The following RCOR1 variants were observed in gnomAD, a reference collection of about 807,000 sequenced individuals.
RCOR1 encodes REST corepressor 1.
RCOR1 carries 12 observed loss-of-function variants against 64.0 expected under a neutral mutation model. The observed-to-expected ratio is 0.19, with a 90% CI of 0.12 to 0.30. The LOEUF (loss-of-function observed/expected upper bound fraction) is 0.30. RCOR1 is among the 10% of genes least tolerant of loss of function. The pLI is 1.00. For missense variants in RCOR1, 502 were observed against 621.2 expected, an observed-to-expected ratio of 0.81 and a Z score of 2.04; for synonymous variants, 279 against 227.2, an observed-to-expected ratio of 1.23 and a Z score of -2.05.
At position 102,690,767 on chromosome 14, in the gene RCOR1, G is replaced by A. The variant is rs571660695; in HGVS notation, c.445+8789G>A. Reference sequence around the variant, plus strand: ...TCTTTCATTCTGCTTATCATCACCGGACATCGTATTATCTACTTTATGTCT... The same window carrying A: ...TCTTTCATTCTGCTTATCATCACCGAACATCGTATTATCTACTTTATGTCT... On this transcript the variant is annotated intron_variant, in intron 3 of 11. Coordinates refer to ENST00000262241, the MANE Select transcript of RCOR1 (RefSeq NM_015156.4). Among the ~76,000 whole-genome samples the A allele has an allele frequency of 2.6e-5, 4 of 152,174 alleles. No individual in the cohort carries two copies. In the East Asian group the frequency reaches 7.7e-4, roughly 29 times the overall value.
intron 2 of RCOR1, among the ~76,000 whole-genome samples, chr14:102,619,047 G>A (rs1203942396): frequency 6.6e-6 from 1 of 152,150 alleles, no homozygotes; most frequent in East Asian, 1.9e-4. Context: ...TGAGATTGTG[G>A]AACAGGTAGG....
At chr14:102,662,509 C>T (rs1432319743) in intron 2 of RCOR1, 2 of 518,272 alleles carry the variant, frequency 3.9e-6, no homozygotes, top group African/African-American at 1.9e-5. Context: ...GCTTGTTTCT[C>T]CTGGGGGCGC....
At chr14:102,608,905 T>C (rs1442626815) in intron 2 of RCOR1, among the ~76,000 whole-genome samples, 1 of 151,898 alleles carries the variant, frequency 6.6e-6, no homozygotes, top group Non-Finnish European at 1.5e-5. Context: ...TGTTACCTTT[T>C]GATTATTGTG....
chr14:102,620,847 T>C (rs1893858620), intron 2 of RCOR1, among the ~76,000 whole-genome samples: 1 of 152,176 alleles, frequency 6.6e-6, no homozygotes, highest in African/African-American at 2.4e-5. Flanking sequence ...CCATTACTCT[T>C]TCTTTATCTC....
intron 3 of RCOR1, 55 bp from the exon 4 acceptor site, chr14:102,701,223 A>G (rs1014824978): frequency 1.4e-6 from 2 of 1,388,054 alleles, no homozygotes; most frequent in Admixed American, 1.7e-5. Context: ...CTAGCAGACC[A>G]TAGGGTGTAC....
intron 2 of RCOR1, among the ~76,000 whole-genome samples, chr14:102,677,226 C>A (rs1358864443): frequency 7.2e-6 from 1 of 138,042 alleles, no homozygotes. Flanking sequence ...CCCCTCCCCC[C>A]TCCCGGACGG....
intron 2 of RCOR1, among the ~76,000 whole-genome samples, chr14:102,676,509 C>CG (rs1466978996): frequency 1.9e-3 from 46 of 24,724 alleles, no homozygotes; most frequent in East Asian, 4.4e-3. Flanking sequence ...GCTGGCCGAC[C>CG]CCCCCCCACC....
chr14:102,593,042 C>G lies in RCOR1; in HGVS notation c.156C>G (p.Ser52=). ...AATAASGAAA[S]SASAAAASAA... ...CTGCCGCCTCGGGCGCCGCCGCCTC[C>G]TCAGCCTCGGCCGCCGCCGCCTCAG... The change falls in exon 1 of 12, where the codon TCC becomes TCG. Residue 52 remains serine, a synonymous_variant. Transcript: ENST00000262241. The G allele has an allele frequency of 7.4e-7, 1 of 1,358,140 alleles. No individual in the cohort carries two copies. Among genetic ancestry groups the G allele is most frequent in the East Asian group, 3.2e-5 (1 of 30,894 alleles). The allele number at this position is 1,358,140 out of a possible 1,614,324, so 84.1% of individuals were successfully genotyped here.
intron 2 of RCOR1, among the ~76,000 whole-genome samples, chr14:102,603,315 A>T (rs545010101): frequency 1.3e-5 from 2 of 150,750 alleles, no homozygotes; most frequent in South Asian, 4.2e-4. Context: ...CTTTTTATTT[A>T]TTTTTTATTT....
At chr14:102,724,573 TC>T (rs1896225757) in intron 11 of RCOR1, among the ~76,000 whole-genome samples, 1 of 152,184 alleles carries the variant, frequency 6.6e-6, no homozygotes, top group African/African-American at 2.4e-5. Context: ...TCTCAAGTGA[TC>T]CGCTCGCCTC....
intron 3 of RCOR1, among the ~76,000 whole-genome samples, chr14:102,690,075 T>C (rs529945318): frequency 6.6e-6 from 1 of 151,756 alleles, no homozygotes; most frequent in Non-Finnish European, 1.5e-5. Flanking sequence ...ATTAACTATA[T>C]AAGGAAAAAA....
intron 2 of RCOR1, among the ~76,000 whole-genome samples, chr14:102,674,259 C>A (rs1895092809): frequency 6.6e-6 from 1 of 152,132 alleles, no homozygotes; most frequent in African/African-American, 2.4e-5. Flanking sequence ...TAGATGTTAA[C>A]CATATCTACT....
chr14:102,631,862 G>A (rs1051094921), intron 2 of RCOR1, among the ~76,000 whole-genome samples: 8 of 151,206 alleles, frequency 5.3e-5, no homozygotes, highest in Non-Finnish European at 8.8e-5. Context: ...GTGCGGTGGC[G>A]CGATCTCGTC....
intron 2 of RCOR1, among the ~76,000 whole-genome samples, chr14:102,602,095 A>G (rs1359119140): frequency 6.6e-6 from 1 of 151,496 alleles, no homozygotes; most frequent in Non-Finnish European, 1.5e-5. Flanking sequence ...GGAGGCGGAG[A>G]TTGCAGTGAG....
At chr14:102,709,074 C>CT (rs1269521849) in intron 6 of RCOR1, among the ~76,000 whole-genome samples, 4 of 152,286 alleles carry the variant, frequency 2.6e-5, no homozygotes, top group African/African-American at 9.6e-5. Flanking sequence ...GAGAATACTT[C>CT]TTAACCATCA....
At chr14:102,609,987 C>T (rs1256626635) in intron 2 of RCOR1, among the ~76,000 whole-genome samples, 1 of 151,838 alleles carries the variant, frequency 6.6e-6, no homozygotes, top group Non-Finnish European at 1.5e-5. Flanking sequence ...CTCTACTAAA[C>T]ATACAAAAAT....
chr14:102,726,892 C>T lies in RCOR1; in HGVS notation c.*386C>T. ...CCCGACTCTGTTCCTGCATGGCCTGCAGTTTCTACTTTGTGCATAGAGTCA... is the reference window on the plus strand; with the variant it reads ...CCCGACTCTGTTCCTGCATGGCCTGTAGTTTCTACTTTGTGCATAGAGTCA... On this transcript the variant is annotated 3_prime_UTR_variant, in exon 12 of 12. Transcript: ENST00000262241. The T allele has an allele frequency of 4.5e-6, 1 of 221,494 alleles. No homozygotes were observed. The highest frequency in any genetic ancestry group is 8.8e-6 in the Non-Finnish European group (1 of 114,128). 13.7% of individuals were successfully genotyped at this position (221,494 alleles called of 1,614,324 possible). A position where few individuals can be genotyped will look rare whatever the true frequency, so the allele number is the denominator to read the frequency against.
At chr14:102,681,870 A>C in intron 2 of RCOR1, 25 bp from the exon 3 acceptor site, 1 of 1,555,452 alleles carries the variant, frequency 6.4e-7, no homozygotes, top group Non-Finnish European at 8.8e-7. Context: ...TTTTAATAAG[A>C]ATTTTCTTTT....
rs543503738 is a variant in RCOR1 at position 102,722,129 on chromosome 14, T to C, written c.1190-58T>C. 7 of 1,278,900 alleles carry C rather than the reference T, an allele frequency of 5.5e-6. No individual in the cohort carries two copies. In the African/African-American group the frequency reaches 1.0e-4, roughly 19 times the overall value. 79.2% of individuals were successfully genotyped at this position (1,278,900 alleles called of 1,614,324 possible). On this transcript the variant is annotated intron_variant, in intron 10 of 11. Coordinates refer to ENST00000262241, the MANE Select transcript of RCOR1 (RefSeq NM_015156.4). ...TGGATAAAGAGGTAAGTGTCACTTG[T>C]GGTTTTAAAAAAATGTTTTTCTCTT...
Sources: gnomAD v4.1 joint callset for allele counts (sites outside exome capture counted in the v4.1 genomes callset) on GRCh38, gnomAD v4.1.1 for gene constraint, MANE v1.5 for transcripts, NCBI Gene and HGNC (gene_info 2026-07-23, HGNC 2026-07-21) for gene names.